Variants in ATP9B observed in about 807,000 individuals in gnomAD.
The protein encoded by ATP9B is probable phospholipid-transporting ATPase IIB.
In ATP9B, 110 loss-of-function variants were observed where a neutral mutation model predicts 146.1. The observed-to-expected ratio is 0.75, with a 90% CI of 0.65 to 0.88. ATP9B has a LOEUF of 0.88. ATP9B is among the 40% of genes least tolerant of loss of function. The pLI is 0.00. For synonymous variants in ATP9B, 604 were observed against 569.7 expected (o/e 1.06, Z -0.86); for missense variants, 1,499 against 1,496.4 (o/e 1.00, Z -0.03).
At chr18:79,318,912 C>T (rs953341553) in intron 15 of ATP9B, among the ~76,000 whole-genome samples, 4 of 152,132 alleles carry the variant, frequency 2.6e-5, no homozygotes, top group East Asian at 1.9e-4. Flanking sequence ...CTCTGCAGAA[C>T]GAGGTGACCA....
chr18:79,301,881 A>T (rs1408377132), intron 13 of ATP9B, among the ~76,000 whole-genome samples: 4 of 152,206 alleles, frequency 2.6e-5, no homozygotes, highest in Non-Finnish European at 5.9e-5. Context: ...CTAAAATAGT[A>T]ATTGTAAGCT....
At chr18:79,204,411 C>T (rs1306447084) in intron 9 of ATP9B, among the ~76,000 whole-genome samples, 2 of 152,146 alleles carry the variant, frequency 1.3e-5, no homozygotes, top group African/African-American at 2.4e-5. Context: ...CTTCCTGATA[C>T]AAATACTAGT....
At chr18:79,081,127 G>A (rs528939911) in intron 1 of ATP9B, among the ~76,000 whole-genome samples, 1 of 152,294 alleles carries the variant, frequency 6.6e-6, no homozygotes, top group South Asian at 2.1e-4. Context: ...GATGATGCTG[G>A]CCTCATAAAA....
At chr18:79,375,128 C>CT (rs2097095649) in intron 28 of ATP9B, among the ~76,000 whole-genome samples, 1 of 152,218 alleles carries the variant, frequency 6.6e-6, no homozygotes, top group Non-Finnish European at 1.5e-5. Flanking sequence ...TCCTCTCAGA[C>CT]CTGGATAGGT....
At chr18:79,212,734 A>G (rs559284530) in intron 10 of ATP9B, among the ~76,000 whole-genome samples, 27 of 152,302 alleles carry the variant, frequency 1.8e-4, no homozygotes, top group African/African-American at 6.5e-4. Context: ...TAGTAAGTAT[A>G]GTCATCTAAT....
In ATP9B at chr18:79,214,025, A is replaced by G. The variant is rs539961081; in HGVS notation, c.1094A>G (p.Asn365Ser). 8.1e-6 allele frequency: 13 copies of G among 1,598,164 alleles called. No individual in the cohort carries two copies. In the African/African-American group the frequency reaches 1.5e-4, roughly 18 times the overall value. Residue 365 changes from asparagine to serine, a missense_variant, in exon 11 of 30, where the codon AAT becomes AGT. Transcript: ENST00000426216. ...ACTCGAAGTGTAATGAACACATCCA[A>G]TCCAAAAAATAAGGTAGGCTAGATT... ...KETRSVMNTS[N>S]PKNKVGLLDL...
intron 11 of ATP9B, among the ~76,000 whole-genome samples, chr18:79,241,047 A>G (rs2095883048): frequency 6.6e-6 from 1 of 152,208 alleles, no homozygotes. Context: ...GTAAAGGGCT[A>G]TTGGGTTGTA....
chr18:79,185,501 A>G (rs976631779), intron 8 of ATP9B, among the ~76,000 whole-genome samples: 2 of 152,224 alleles, frequency 1.3e-5, no homozygotes, highest in East Asian at 1.9e-4. Context: ...TGACATAACT[A>G]TATGGTAAAT....
At chr18:79,176,722 C>A in intron 7 of ATP9B, 91 bp from the exon 8 acceptor site, 1 of 1,010,158 alleles carries the variant, frequency 9.9e-7, no homozygotes, top group Non-Finnish European at 1.5e-6. Flanking sequence ...TCCTACTGTG[C>A]CCTGGAATTA....
intron 18 of ATP9B, 92 bp downstream of exon 18, chr18:79,336,803 G>A (rs371021924): frequency 2.2e-6 from 3 of 1,341,748 alleles, no homozygotes; most frequent in Non-Finnish European, 3.1e-6. Flanking sequence ...AATTAGAGCT[G>A]GGATCGCTAT....
intron 25 of ATP9B, among the ~76,000 whole-genome samples, chr18:79,352,128 C>A (rs1030385644): frequency 5.3e-5 from 8 of 152,192 alleles, no homozygotes; most frequent in Non-Finnish European, 1.2e-4. Context: ...GTCTGTCTCC[C>A]CAGAGATTCT....
intron 2 of ATP9B, among the ~76,000 whole-genome samples, chr18:79,102,232 A>G (rs1458128287): frequency 6.6e-6 from 1 of 151,988 alleles, no homozygotes; most frequent in East Asian, 1.9e-4. Context: ...AATTTTGGTG[A>G]GGTCTGAATT....
intron 15 of ATP9B, among the ~76,000 whole-genome samples, chr18:79,317,692 T>C (rs1178531960): frequency 6.6e-6 from 1 of 152,162 alleles, no homozygotes; most frequent in Admixed American, 6.5e-5. Context: ...ACTTAGACTT[T>C]GGTAAGTTCA....
intron 12 of ATP9B, among the ~76,000 whole-genome samples, chr18:79,270,676 C>T (rs1037043355): frequency 1.5e-4 from 23 of 152,096 alleles, no homozygotes; most frequent in African/African-American, 5.1e-4. Context: ...TTGAGGTTGG[C>T]GCCCATGTTT....
intron 12 of ATP9B, among the ~76,000 whole-genome samples, chr18:79,260,714 G>A (rs2096131623): frequency 1.3e-5 from 2 of 152,222 alleles, no homozygotes; most frequent in South Asian, 2.1e-4. Context: ...CTGGCTGCAA[G>A]CATGTGCTCC....
chr18:79,314,423 T>C (rs117821685), intron 15 of ATP9B, among the ~76,000 whole-genome samples: 1,617 of 152,334 alleles, frequency 0.011, 10 homozygotes, highest in Non-Finnish European at 0.015. Flanking sequence ...CATAGATGAA[T>C]CTGTATTATA....
chr18:79,136,982 C>G (rs1045586962), intron 5 of ATP9B, among the ~76,000 whole-genome samples: 2 of 152,144 alleles, frequency 1.3e-5, no homozygotes, highest in Admixed American at 1.3e-4. Flanking sequence ...GGTAACCGCC[C>G]CATGATTCAT....
chr18:79,075,197 C>G (rs1157871787), intron 1 of ATP9B, among the ~76,000 whole-genome samples: 1 of 152,190 alleles, frequency 6.6e-6, no homozygotes, highest in East Asian at 1.9e-4. Flanking sequence ...CTGCCTCAGC[C>G]TCTCAAGTAG....
chr18:79,170,791 G>A (rs1171878848), intron 7 of ATP9B, among the ~76,000 whole-genome samples: 3 of 152,114 alleles, frequency 2.0e-5, no homozygotes, highest in Non-Finnish European at 2.9e-5. Context: ...ATAAGCATTC[G>A]CCAGTATAAT....
Sources: allele counts gnomAD v4.1 joint callset (sites outside exome capture counted in the v4.1 genomes callset), GRCh38; gene constraint gnomAD v4.1.1; transcripts MANE v1.5; gene names NCBI Gene and HGNC (gene_info 2026-07-23, HGNC 2026-07-21).